RASGRP3: variants seen among roughly 807,000 people sequenced by gnomAD.
RASGRP3 encodes RAS guanyl releasing protein 3, also known as ras guanyl-releasing protein 3.
Under a neutral mutation model 82.7 loss-of-function variants are expected in RASGRP3, and 54 were observed. The ratio of observed to expected loss-of-function variants is 0.65; its 90% confidence interval spans 0.52 to 0.82. The LOEUF (loss-of-function observed/expected upper bound fraction) is 0.82, where lower values mean the gene tolerates loss of function less well. Among genes scored for constraint, RASGRP3 ranks in the 40% least tolerant of loss-of-function variants. RASGRP3 has a pLI of 0.00. For missense variants in RASGRP3, 861 were observed against 828.9 expected (o/e 1.04, Z -0.48); for synonymous variants, 309 against 300.5 (o/e 1.03, Z -0.29).
intron 1 of RASGRP3, among the ~76,000 whole-genome samples, chr2:33,486,829 T>C (rs776500243): frequency 2.0e-5 from 3 of 152,092 alleles, no homozygotes; most frequent in Non-Finnish European, 4.4e-5. Flanking sequence ...AGCTGAATCA[T>C]AGATTACATG....
intron 2 of RASGRP3, among the ~76,000 whole-genome samples, chr2:33,453,389 G>T (rs1665895528): frequency 6.6e-6 from 1 of 152,174 alleles, no homozygotes; most frequent in African/African-American, 2.4e-5. Flanking sequence ...GTTTCTGTAA[G>T]GGGATATGTG....
chr2:33,453,938 A>G (rs114328620), intron 2 of RASGRP3, among the ~76,000 whole-genome samples: 2,158 of 152,312 alleles, frequency 0.014, 57 homozygotes, highest in African/African-American at 0.049. Context: ...ATTTTTCACT[A>G]TCCTGGAGGC....
chr2:33,462,980 A>G (rs1010924390), intron 2 of RASGRP3, among the ~76,000 whole-genome samples: 6 of 152,202 alleles, frequency 3.9e-5, no homozygotes, highest in African/African-American at 1.2e-4. Context: ...ATTTAACTAT[A>G]AGAAACTCTT....
chr2:33,562,267 C>CTTTTT (rs71409631), intron 17 of RASGRP3, among the ~76,000 whole-genome samples: 2 of 127,062 alleles, frequency 1.6e-5, no homozygotes, highest in African/African-American at 3.0e-5. Context: ...ATCTCTCTCT[C>CTTTTT]TTTTTTTTTT....
intron 7 of RASGRP3, among the ~76,000 whole-genome samples, chr2:33,522,355 TA>T (rs1672118965): frequency 6.6e-6 from 1 of 152,240 alleles, no homozygotes; most frequent in Admixed American, 6.5e-5. Context: ...GTGATTTTTC[TA>T]AACAGTCAGT....
chr2:33,531,885 G>C (rs1673135577), intron 10 of RASGRP3: 2 of 152,288 alleles, frequency 1.3e-5, no homozygotes, highest in African/African-American at 4.8e-5. Flanking sequence ...GCTGGTGCCA[G>C]TCATCACAGG....
chr2:33,538,503 A>AAAATAAAT (rs3083025), intron 11 of RASGRP3, among the ~76,000 whole-genome samples: 7,532 of 145,328 alleles, frequency 0.052, 627 homozygotes, highest in African/African-American at 0.18. Context: ...ACTCTGTCTC[A>AAAATAAAT]AAATAAATAA....
chr2:33,515,952 G>A (rs764067495), intron 3 of RASGRP3, among the ~76,000 whole-genome samples: 1 of 152,182 alleles, frequency 6.6e-6, no homozygotes, highest in Admixed American at 6.5e-5. Context: ...CCTAAATAAT[G>A]CCTGGGACAT....
At chr2:33,536,608 G>GTTTTT (rs1351459737) in intron 11 of RASGRP3, among the ~76,000 whole-genome samples, 2 of 151,886 alleles carry the variant, frequency 1.3e-5, no homozygotes, top group Non-Finnish European at 2.9e-5. Flanking sequence ...ACATAGAAAA[G>GTTTTT]TCTTTTTATT....
intron 10 of RASGRP3, chr2:33,532,187 C>T (rs1673162529): frequency 6.6e-6 from 1 of 152,216 alleles, no homozygotes; most frequent in Non-Finnish European, 1.5e-5. Flanking sequence ...GAATCCTAAA[C>T]TTTTGTCGTT....
chr2:33,542,265 C>T (rs1050888480), intron 12 of RASGRP3, among the ~76,000 whole-genome samples: 6 of 146,738 alleles, frequency 4.1e-5, no homozygotes, highest in African/African-American at 1.2e-4. Flanking sequence ...AATTCCTATA[C>T]ATACATGGGT....
chr2:33,512,469 G>A (rs551613199), intron 2 of RASGRP3, among the ~76,000 whole-genome samples: 231 of 152,264 alleles, frequency 1.5e-3, no homozygotes, highest in Middle Eastern at 3.4e-3. Flanking sequence ...ACTTTTAAGG[G>A]TACTGATAGA....
At chr2:33,439,548 C>T (rs1301464467) in intron 1 of RASGRP3, among the ~76,000 whole-genome samples, 1 of 152,184 alleles carries the variant, frequency 6.6e-6, no homozygotes, top group Non-Finnish European at 1.5e-5. Flanking sequence ...TCTAAGTGTG[C>T]CCTACTGCAT....
At chr2:33,461,892 A>G (rs1042051902) in intron 2 of RASGRP3, among the ~76,000 whole-genome samples, 2 of 152,240 alleles carry the variant, frequency 1.3e-5, no homozygotes, top group Admixed American at 6.5e-5. Context: ...TGAGGTTAAA[A>G]GCCCAGGCCT....
At chr2:33,558,447 G>C in intron 16 of RASGRP3, 111 bp downstream of exon 16, 1 of 1,517,220 alleles carries the variant, frequency 6.6e-7, no homozygotes. Flanking sequence ...TAAACGCTAA[G>C]GCCTTCTTTA....
chr2:33,446,260 G>A (rs748074436), intron 1 of RASGRP3, among the ~76,000 whole-genome samples: 17 of 152,094 alleles, frequency 1.1e-4, no homozygotes, highest in Non-Finnish European at 2.2e-4. Context: ...TTGGGTTCAC[G>A]TTTCTCCTGC....
At chr2:33,520,821 G>T in intron 6 of RASGRP3, 137 bp downstream of exon 6, 2 of 1,207,694 alleles carry the variant, frequency 1.7e-6, no homozygotes, top group Non-Finnish European at 2.3e-6. Context: ...TTGCTGCAGT[G>T]AGCGCAAGCC....
intron 1 of RASGRP3, among the ~76,000 whole-genome samples, chr2:33,507,465 G>A (rs77935217): frequency 0.017 from 2,542 of 152,292 alleles, 39 homozygotes; most frequent in Non-Finnish European, 0.026. Context: ...GGGGATCATA[G>A]GAAAGGTGGC....
At chr2:33,513,142 GT>G (rs1473711816) in intron 2 of RASGRP3, among the ~76,000 whole-genome samples, 2 of 152,192 alleles carry the variant, frequency 1.3e-5, no homozygotes, top group African/African-American at 4.8e-5. Flanking sequence ...TTGGGAAAGC[GT>G]TTGATCCAGC....
Sources: gnomAD v4.1 joint callset for allele counts (sites outside exome capture counted in the v4.1 genomes callset) on GRCh38, gnomAD v4.1.1 for gene constraint, MANE v1.5 for transcripts, NCBI Gene and HGNC (gene_info 2026-07-23, HGNC 2026-07-21) for gene names.